The following DPYD variants were observed in gnomAD, a reference collection of about 807,000 sequenced individuals.
The protein encoded by DPYD is dihydropyrimidine dehydrogenase, also known as dihydropyrimidine dehydrogenase [NADP(+)].
In DPYD, 109 loss-of-function variants were observed where a neutral mutation model predicts 116.2. The ratio of observed to expected loss-of-function variants is 0.94; its 90% CI spans 0.80 to 1.10. DPYD has a LOEUF of 1.10. Among genes scored for constraint, DPYD ranks in the 50% least tolerant of loss-of-function variants. The probability of loss-of-function intolerance (pLI) is 0.00; values close to 1 mark genes in which losing one functional copy is unlikely to be tolerated. For missense variants in DPYD, 1,302 were observed against 1,254.5 expected (o/e 1.04, Z -0.57); for synonymous variants, 440 against 432.0 (o/e 1.02, Z -0.23).
chr1:97,312,202 G>C (rs1022455092), intron 16 of DPYD, among the ~76,000 whole-genome samples: 3 of 151,750 alleles, frequency 2.0e-5, no homozygotes, highest in Non-Finnish European at 4.4e-5. Context: ...CTAGTAATTA[G>C]AAAAACAAAA....
intron 3 of DPYD, among the ~76,000 whole-genome samples, chr1:97,768,936 C>T (rs994960338): frequency 6.0e-5 from 9 of 150,862 alleles, no homozygotes; most frequent in African/African-American, 9.7e-5. Flanking sequence ...ATATTAACCA[C>T]GATATAATCA....
intron 13 of DPYD, among the ~76,000 whole-genome samples, chr1:97,472,747 T>A (rs981729785): frequency 2.6e-5 from 4 of 152,184 alleles, no homozygotes. Context: ...TCAAATTATA[T>A]TAACCTAAAT....
At chr1:97,273,084 G>C (rs890977738) in intron 18 of DPYD, among the ~76,000 whole-genome samples, 8 of 152,056 alleles carry the variant, frequency 5.3e-5, no homozygotes, top group African/African-American at 1.9e-4. Context: ...ACAGAAATGT[G>C]GGATGTTTCC....
intron 14 of DPYD, among the ~76,000 whole-genome samples, chr1:97,421,165 A>G (rs1674559400): frequency 2.0e-5 from 3 of 152,190 alleles, no homozygotes; most frequent in Non-Finnish European, 2.9e-5. Flanking sequence ...AAATGGATGC[A>G]ATATTAGTGC....
rs776321529 is a variant in DPYD at position 97,515,769 on chromosome 1, G to A, written c.1697C>T (p.Ala566Val). Residue 566 changes from alanine to valine, a missense_variant, in exon 13 of 23, where the codon GCT becomes GTT. Physicochemically the swap from Ala to Val is moderately conservative, Grantham distance 64 (BLOSUM62 0). Coordinates refer to ENST00000370192, the MANE Select transcript of DPYD (RefSeq NM_000110.4). ...TTTGGTGAGGGCAAAACCCCATCCA[G>A]CTTCAAAAGCTCTTCGAATCATTGA... is the stretch of plus-strand genomic sequence containing the variant. Reference protein sequence around the residue: ...STSMIRRAFEAGWGFALTKTF... With the variant: ...STSMIRRAFEVGWGFALTKTF... 1 of 1,612,798 alleles carries A rather than the reference G, an allele frequency of 6.2e-7. No homozygotes were observed. Among genetic ancestry groups the A allele is most frequent in the Non-Finnish European group, 8.5e-7 (1 of 1,179,202 alleles).
At chr1:97,314,168 C>T (rs1432505194) in intron 16 of DPYD, among the ~76,000 whole-genome samples, 1 of 151,916 alleles carries the variant, frequency 6.6e-6, no homozygotes, top group Non-Finnish European at 1.5e-5. Context: ...GAGAACCCAC[C>T]TGAGGACCCA....
intron 8 of DPYD, among the ~76,000 whole-genome samples, chr1:97,631,263 ACTCT>A (rs1206042976): frequency 6.6e-6 from 1 of 151,866 alleles, no homozygotes; most frequent in Non-Finnish European, 1.5e-5. Flanking sequence ...AAGGGTACAG[ACTCT>A]CTCTGACTAG....
chr1:97,391,595 C>T (rs1672708265), intron 14 of DPYD, among the ~76,000 whole-genome samples: 1 of 151,964 alleles, frequency 6.6e-6, no homozygotes, highest in South Asian at 2.1e-4. Flanking sequence ...AGAAGTACTG[C>T]TCTAGTTTAT....
In DPYD at chr1:97,256,789, G is replaced by T. The variant is rs542439698; in HGVS notation, c.2300-21795C>A. On this transcript the variant is annotated intron_variant, in intron 18 of 22. Coordinates refer to ENST00000370192, the MANE Select transcript of DPYD (RefSeq NM_000110.4). The stretch of plus-strand genomic sequence containing the variant: ...CTCTCCTCAGACACCTTAGCACTAA[G>T]AACAAAATTAAGTGTGGATTGCTTA... 8.8e-4 allele frequency among the ~76,000 whole-genome samples: 134 copies of T among 151,960 alleles called. 1 individual carries two copies. In the South Asian group the frequency reaches 0.014, roughly 15 times the overall value.
At chr1:97,636,108 A>T (rs1218655985) in intron 8 of DPYD, among the ~76,000 whole-genome samples, 2 of 152,152 alleles carry the variant, frequency 1.3e-5, no homozygotes, top group Non-Finnish European at 2.9e-5. Flanking sequence ...GGCATGAGCC[A>T]CTGCACCCAG....
chr1:97,451,627 AAT>A (rs1172583173), intron 13 of DPYD, among the ~76,000 whole-genome samples: 1 of 152,132 alleles, frequency 6.6e-6, no homozygotes, highest in Admixed American at 6.5e-5. Flanking sequence ...TAAAATGACA[AAT>A]AGAGTTACTC....
chr1:97,673,703 G>C (rs758460256), intron 8 of DPYD, among the ~76,000 whole-genome samples: 11 of 152,098 alleles, frequency 7.2e-5, no homozygotes, highest in Non-Finnish European at 1.0e-4. Flanking sequence ...TGAACATAGA[G>C]AGCAGGAACA....
intron 20 of DPYD, among the ~76,000 whole-genome samples, chr1:97,149,262 A>AT (rs972903373): frequency 3.3e-5 from 5 of 151,906 alleles, no homozygotes; most frequent in Non-Finnish European, 5.9e-5. Flanking sequence ...AACTTTTTTT[A>AT]TTTTTTTGTA....
At chr1:97,533,479 G>A (rs980783515) in intron 12 of DPYD, among the ~76,000 whole-genome samples, 1 of 152,018 alleles carries the variant, frequency 6.6e-6, no homozygotes, top group African/African-American at 2.4e-5. Context: ...GACAGGCCCC[G>A]GGGCAAAGGT....
chr1:97,610,845 T>C (rs1479551918), intron 8 of DPYD, among the ~76,000 whole-genome samples: 1 of 152,038 alleles, frequency 6.6e-6, no homozygotes, highest in Non-Finnish European at 1.5e-5. Flanking sequence ...AAAATACATA[T>C]ATCCAAGTAC....
intron 13 of DPYD, among the ~76,000 whole-genome samples, chr1:97,477,722 G>A (rs534972856): frequency 3.4e-5 from 5 of 149,048 alleles, no homozygotes; most frequent in Admixed American, 2.7e-4. Context: ...CCGGGTTCAC[G>A]CCATTCTCCT....
intron 13 of DPYD, among the ~76,000 whole-genome samples, chr1:97,476,616 A>G (rs1398971254): frequency 6.6e-6 from 1 of 152,204 alleles, no homozygotes; most frequent in Non-Finnish European, 1.5e-5. Context: ...GAAGTACCAC[A>G]AAATGTACTT....
chr1:97,788,445 A>C (rs1396606594), intron 3 of DPYD, among the ~76,000 whole-genome samples: 1 of 152,214 alleles, frequency 6.6e-6, no homozygotes, highest in Non-Finnish European at 1.5e-5. Flanking sequence ...TGTCAACTAC[A>C]TGAGAGACCA....
intron 4 of DPYD, among the ~76,000 whole-genome samples, chr1:97,724,304 GGGGGTGTGTGTGT>G (rs1663102833): frequency 6.9e-5 from 1 of 14,428 alleles, no homozygotes; most frequent in African/African-American, 2.8e-4. Flanking sequence ...GGGGGGGGGG[GGGGGTGTGTGTGT>G]GTGTGTGTGT....
Sources: allele counts gnomAD v4.1 joint callset (sites outside exome capture counted in the v4.1 genomes callset), GRCh38; gene constraint gnomAD v4.1.1; transcripts MANE v1.5; gene names NCBI Gene and HGNC (gene_info 2026-07-23, HGNC 2026-07-21).